The following SETX variants were observed in gnomAD, a reference collection of about 807,000 sequenced individuals.
SETX encodes the protein senataxin, also known as helicase senataxin.
In SETX, 90 loss-of-function variants were observed where a neutral mutation model predicts 227.2. The observed-to-expected ratio is 0.40, with a 90% CI of 0.33 to 0.47. SETX has a LOEUF of 0.47. Among genes scored for constraint, SETX ranks in the 20% least tolerant of loss-of-function variants. The pLI is 0.91. For synonymous variants in SETX, 1,210 were observed against 1,113.2 expected (o/e 1.09, Z -1.73); for missense variants, 3,052 against 3,181.5 (o/e 0.96, Z 0.98).
intron 10 of SETX, among the ~76,000 whole-genome samples, chr9:132,324,350 C>T (rs1009446795): frequency 3.3e-5 from 5 of 152,144 alleles, no homozygotes; most frequent in African/African-American, 9.7e-5. Flanking sequence ...GATGAAGATA[C>T]GTTCACTCAA....
intron 16 of SETX, 68 bp downstream of exon 16, chr9:132,288,482 A>G (rs1844069747): frequency 1.8e-5 from 26 of 1,444,746 alleles, no homozygotes; most frequent in Non-Finnish European, 9.7e-6. Flanking sequence ...AATTACCTTT[A>G]GTGCCCAAGT....
Position 132,330,253 on chromosome 9 carries a change from C to T in SETX, c.1345G>A (p.Ala449Thr), listed in dbSNP as rs761745573. 3 of 1,578,446 alleles carry T rather than the reference C, an allele frequency of 1.9e-6. No homozygotes were observed. Among genetic ancestry groups the T allele is most frequent in the South Asian group, 2.4e-5 (2 of 84,850 alleles). Residue 449 changes from alanine to threonine, a missense_variant, in exon 10 of 26, where the codon GCT (alanine) becomes ACT (threonine). Ala to Thr is a moderately conservative substitution (Grantham distance 58, BLOSUM62 0). This residue lies in a region of SETX where 179 missense variants were observed against 197.1 expected (regional missense o/e 0.91). Transcript: ENST00000224140. ...AATTCAGTGACTTTGTCACACACAGCATCTGTTTGGTTGAGGACTTCTTTG... is the reference window on the plus strand; with the variant it reads ...AATTCAGTGACTTTGTCACACACAGTATCTGTTTGGTTGAGGACTTCTTTG... The part of the protein sequence containing the change: ...EVKEVLNQTD[A>T]VCDKVTEFFL...
At chr9:132,304,526 A>G (rs764528779) in intron 11 of SETX, among the ~76,000 whole-genome samples, 1 of 151,730 alleles carries the variant, frequency 6.6e-6, no homozygotes, top group African/African-American at 2.4e-5. Flanking sequence ...AAGAAAATGG[A>G]GATCCAACAT....
rs367828971 is a variant in SETX, at chr9:132,327,875, G to T, written c.3723C>A (p.Thr1241=). 3 of 1,613,986 alleles carry T rather than the reference G, an allele frequency of 1.9e-6. No homozygotes were observed. The African/African-American group carries it at 4.0e-5, about 22-fold the overall frequency. ...TGGCATCTGAATGAGTTTTCTTAGG[G>T]GTCTTAGAAACTGGAACTTTCCTGA... ...EPIRKVPVSK[T]PKKTHSDAKK... Residue 1241 remains threonine (T), a synonymous_variant, in exon 10 of 26, where the codon ACC becomes ACA. Coordinates refer to ENST00000224140, the MANE Select transcript of SETX (RefSeq NM_015046.7).
chr9:132,263,971 C>T lies in SETX; in HGVS notation c.*268G>A. On this transcript the variant is annotated 3_prime_UTR_variant, in exon 26 of 26. Coordinates refer to ENST00000224140, the MANE Select transcript of SETX (RefSeq NM_015046.7). ...TACAACATTCACTCCAGTCTGACCT[C>T]CTTGTCTATAGAAGACTAAGAGATC... 1.9e-6 allele frequency: 1 copy of T among 527,276 alleles called. No homozygotes were observed. Among genetic ancestry groups the T allele is most frequent in the East Asian group, 3.3e-5 (1 of 30,010 alleles). The allele number at this position is 527,276 out of a possible 1,614,324, so 32.7% of individuals were successfully genotyped here.
At chr9:132,279,369 A>C (rs1843364563) in intron 20 of SETX, among the ~76,000 whole-genome samples, 2 of 152,210 alleles carry the variant, frequency 1.3e-5, no homozygotes, top group Admixed American at 6.5e-5. Flanking sequence ...CATATGTAAC[A>C]AACCTGCATG....
At chr9:132,286,048 T>C (rs567852913) in intron 18 of SETX, among the ~76,000 whole-genome samples, 1 of 151,112 alleles carries the variant, frequency 6.6e-6, no homozygotes, top group East Asian at 1.9e-4. Context: ...CTGGGCGTGG[T>C]GGCACACGCC....
chr9:132,283,156 G>C lies in SETX; in HGVS notation c.6546+108C>G, dbSNP rs2296874. On this transcript the variant is annotated intron_variant, in intron 19 of 25. Transcript: ENST00000224140. ...CACAGGTAATAGCAAGTGAAAATCA[G>C]ATGCAAAAAAAAAAAACACATTTCC... 0.05 allele frequency: 68,168 copies of C among 1,349,894 alleles called. 5,187 individuals carry two copies. Among genetic ancestry groups the C allele is most frequent in the East Asian group, 0.4 (16,680 of 41,662 alleles). The allele number at this position is 1,349,894 out of a possible 1,614,324, so 83.6% of individuals were successfully genotyped here. A position where few individuals can be genotyped will look rare whatever the true frequency, so the allele number is the denominator to read the frequency against.
At position 132,329,866 on chromosome 9, in the gene SETX, T is replaced by C. The variant is rs770280073; in HGVS notation, c.1732A>G (p.Ser578Gly). 4 of 1,614,176 alleles carry C rather than the reference T, an allele frequency of 2.5e-6. No individual in the cohort carries two copies. Among genetic ancestry groups the C allele is most frequent in the Non-Finnish European group, 3.4e-6 (4 of 1,180,032 alleles). ...GNLSLGWQLT[S>G]QETHELQSCL... ...CTTTGTAGCTCATGGGTTTCCTGAC[T>C]AGTCAACTGCCAACCTAGAGATAAA... is the stretch of plus-strand genomic sequence containing the variant. The change falls in exon 10 of 26, where the codon AGT becomes GGT. Residue 578 changes from serine to glycine, a missense_variant. This residue lies in a region of SETX where 179 missense variants were observed against 197.1 expected (regional missense o/e 0.91). Transcript: ENST00000224140.
At chr9:132,316,175 T>C (rs1354678931) in intron 10 of SETX, among the ~76,000 whole-genome samples, 1 of 152,240 alleles carries the variant, frequency 6.6e-6, no homozygotes, top group East Asian at 1.9e-4. Context: ...TGCTAGATCA[T>C]AAAGGATCAC....
intron 11 of SETX, among the ~76,000 whole-genome samples, chr9:132,306,142 G>T (rs7020156): frequency 0.25 from 38,068 of 152,030 alleles, 6,071 homozygotes; most frequent in East Asian, 0.67. Flanking sequence ...AACACCAGCT[G>T]TCTTATACGT....
At position 132,335,172 on chromosome 9, in the gene SETX, C is replaced by T. The variant is rs536604360; in HGVS notation, c.719-445G>A. On this transcript the variant is annotated intron_variant, in intron 6 of 25. Transcript: ENST00000224140. The stretch of plus-strand genomic sequence containing the variant: ...TTGGGAGGCCAAGGCGGGCAGATCA[C>T]AAAGTCAGGAGATCGAGACCATCCT... Among the ~76,000 whole-genome samples, 2,405 of 151,902 alleles carry T rather than the reference C, an allele frequency of 0.016. 113 individuals are homozygous for T. In the East Asian group the frequency reaches 0.19, roughly 12 times the overall value.
chr9:132,304,994 CA>C (rs1053925899), intron 11 of SETX, among the ~76,000 whole-genome samples: 1 of 145,028 alleles, frequency 6.9e-6, no homozygotes. Context: ...GACTCCATCT[CA>C]AAAAAAAAGA....
chr9:132,334,767 A>C lies in SETX; in HGVS notation c.719-40T>G, dbSNP rs756527948. On this transcript the variant is annotated intron_variant, in intron 6 of 25. Transcript: ENST00000224140. ...AGAGTTATCTTGAATTGATGAAATAATACTATACTAATGCCTGGTTTAGTT... is the reference window on the plus strand; with the variant it reads ...AGAGTTATCTTGAATTGATGAAATACTACTATACTAATGCCTGGTTTAGTT... 71 of 1,606,628 alleles carry C rather than the reference A, an allele frequency of 4.4e-5. No homozygotes were observed. In the Admixed American group the frequency reaches 1.1e-3, roughly 25 times the overall value.
chr9:132,283,963 G>A (rs550561898), intron 18 of SETX, among the ~76,000 whole-genome samples: 10 of 152,236 alleles, frequency 6.6e-5, no homozygotes, highest in Non-Finnish European at 7.4e-5. Context: ...TGATGGAGCC[G>A]GACGTGAGTG....
chr9:132,329,711 C>T lies in SETX; in HGVS notation c.1887G>A (p.Lys629=). 2 of 1,614,120 alleles carry T rather than the reference C, an allele frequency of 1.2e-6. No individual in the cohort carries two copies. Among genetic ancestry groups the T allele is most frequent in the Non-Finnish European group, 8.5e-7 (1 of 1,180,016 alleles). ...AACAATGCATATCTTTTCTAGACGT[C>T]TTCCCCATTTGTTCACTTTCTTCTT... ...YNKEESEQMG[K]TSRKDMHCLE... is the part of the protein sequence containing the mutation. The change falls in exon 10 of 26, where the codon AAG becomes AAA. Residue 629 remains lysine (K), a synonymous_variant. Coordinates refer to ENST00000224140, the MANE Select transcript of SETX (RefSeq NM_015046.7).
In SETX at chr9:132,348,373, C is replaced by A. The variant is rs140748418; in HGVS notation, c.177+879G>T. ...GTGAGACTCTGTCTCAAAAAAAAAACAAAACAAAAAAAAAACAACCCACTA... is the reference window on the plus strand; with the variant it reads ...GTGAGACTCTGTCTCAAAAAAAAAAAAAAACAAAAAAAAAACAACCCACTA... On this transcript the variant is annotated intron_variant, in intron 3 of 25. Coordinates refer to ENST00000224140, the MANE Select transcript of SETX (RefSeq NM_015046.7). 2.8e-3 allele frequency among the ~76,000 whole-genome samples: 347 copies of A among 122,274 alleles called. 6 individuals carry two copies. Among genetic ancestry groups the A allele is most frequent in the East Asian group, 7.8e-3 (26 of 3,322 alleles). The allele number at this position is 122,274 out of a possible 152,430, so 80.2% of individuals were successfully genotyped here.
At chr9:132,302,823 C>T (rs1845091176) in intron 11 of SETX, among the ~76,000 whole-genome samples, 1 of 151,360 alleles carries the variant, frequency 6.6e-6, no homozygotes, top group Non-Finnish European at 1.5e-5. Context: ...TATAAAACAA[C>T]AATAAGAGAC....
chr9:132,347,247 C>G (rs752585640), intron 3 of SETX, among the ~76,000 whole-genome samples: 6 of 151,570 alleles, frequency 4.0e-5, no homozygotes, highest in Non-Finnish European at 7.4e-5. Flanking sequence ...AGGGAAACTC[C>G]ATCTCAAACA....
Sources: gnomAD v4.1 joint callset for allele counts (sites outside exome capture counted in the v4.1 genomes callset) on GRCh38, gnomAD v4.1.1 for gene constraint, gnomAD v4.1.1 regional missense constraint, MANE v1.5 for transcripts, NCBI Gene and HGNC (gene_info 2026-07-23, HGNC 2026-07-21) for gene names.